NRXN3: variants seen among roughly 807,000 people sequenced by gnomAD.
The protein encoded by NRXN3 is neurexin III.
A neutral mutation model predicts 137.6 loss-of-function variants in NRXN3; 32 were observed. The observed-to-expected ratio is 0.23, with a 90% confidence interval of 0.18 to 0.31. The LOEUF is 0.31. Ranked by LOEUF, NRXN3 falls within the 10% of genes least tolerant of loss-of-function variation. The pLI is 1.00. For missense variants in NRXN3, 1,574 were observed against 2,062.5 expected (o/e 0.76, Z 4.59); for synonymous variants, 798 against 784.5 (o/e 1.02, Z -0.29).
chr14:78,642,315 A>G (rs980499845), intron 4 of NRXN3, among the ~76,000 whole-genome samples: 1 of 152,244 alleles, frequency 6.6e-6, no homozygotes, highest in Non-Finnish European at 1.5e-5. Context: ...AAATCAGGCC[A>G]TCTCTAAAAT....
intron 19 of NRXN3, among the ~76,000 whole-genome samples, chr14:79,721,313 G>T (rs564731760): frequency 6.6e-6 from 1 of 152,128 alleles, no homozygotes; most frequent in East Asian, 1.9e-4. Flanking sequence ...TATGCTTTAG[G>T]ATAGAAAAGG....
chr14:79,568,431 T>G (rs2097569485), intron 16 of NRXN3, among the ~76,000 whole-genome samples: 1 of 152,164 alleles, frequency 6.6e-6, no homozygotes, highest in African/African-American at 2.4e-5. Context: ...TGAATTCACC[T>G]CTCTAAGATT....
intron 4 of NRXN3, among the ~76,000 whole-genome samples, chr14:78,485,368 C>T (rs1414381934): frequency 6.6e-6 from 1 of 152,286 alleles, no homozygotes; most frequent in East Asian, 1.9e-4. Flanking sequence ...AAGTTATCTA[C>T]CTCCCCTCTC....
chr14:78,323,397 A>G (rs766225052), intron 4 of NRXN3, among the ~76,000 whole-genome samples: 2 of 152,028 alleles, frequency 1.3e-5, no homozygotes, highest in Non-Finnish European at 2.9e-5. Flanking sequence ...TTCTGACTGC[A>G]TAGCTTGGGT....
At chr14:79,320,929 A>G (rs1221067373) in intron 15 of NRXN3, among the ~76,000 whole-genome samples, 1 of 151,842 alleles carries the variant, frequency 6.6e-6, no homozygotes, top group East Asian at 1.9e-4. Context: ...TCCAATACCT[A>G]TCACAGTACT....
intron 10 of NRXN3, among the ~76,000 whole-genome samples, chr14:78,932,125 G>A (rs2152871493): frequency 6.6e-6 from 1 of 152,096 alleles, no homozygotes; most frequent in East Asian, 1.9e-4. Context: ...GGGAGACAGA[G>A]CAAGACTCCA....
intron 8 of NRXN3, among the ~76,000 whole-genome samples, chr14:78,798,238 G>C (rs1013284400): frequency 6.6e-6 from 1 of 152,108 alleles, no homozygotes; most frequent in Non-Finnish European, 1.5e-5. Flanking sequence ...ATATATTCAG[G>C]GTACAGGCAT....
At chr14:78,228,920 C>T (rs896985225) in intron 1 of NRXN3, among the ~76,000 whole-genome samples, 1 of 152,090 alleles carries the variant, frequency 6.6e-6, no homozygotes, top group Non-Finnish European at 1.5e-5. Context: ...CCCTCATGCT[C>T]AGATGTGTGA....
intron 10 of NRXN3, among the ~76,000 whole-genome samples, chr14:78,903,334 GT>G (rs1179156385): frequency 1.3e-5 from 2 of 151,636 alleles, no homozygotes; most frequent in Admixed American, 1.3e-4. Context: ...TAGAGATAGG[GT>G]TTCGCCACAT....
At chr14:79,541,891 A>G (rs2097276613) in intron 16 of NRXN3, among the ~76,000 whole-genome samples, 1 of 152,210 alleles carries the variant, frequency 6.6e-6, no homozygotes, top group Admixed American at 6.5e-5. Flanking sequence ...TTGGTTGGGT[A>G]ATATGAGGAA....
chr14:78,294,361 C>G (rs190305741), intron 3 of NRXN3, among the ~76,000 whole-genome samples: 109 of 152,208 alleles, frequency 7.2e-4, no homozygotes, highest in African/African-American at 2.5e-3. Flanking sequence ...TCGAGACCAG[C>G]CTGGCTAACA....
chr14:79,216,874 C>T (rs1282727967), intron 15 of NRXN3, among the ~76,000 whole-genome samples: 4 of 152,152 alleles, frequency 2.6e-5, no homozygotes, highest in South Asian at 2.1e-4. Context: ...CAGTGGCTCA[C>T]GCCTGTAATC....
intron 15 of NRXN3, chr14:79,200,093 G>A (rs2065754501): frequency 6.6e-6 from 1 of 152,166 alleles, no homozygotes; most frequent in African/African-American, 2.4e-5. Context: ...AGATATCAAT[G>A]AGACATATTT....
At chr14:79,423,784 GC>G (rs1417301737) in intron 15 of NRXN3, among the ~76,000 whole-genome samples, 1 of 152,198 alleles carries the variant, frequency 6.6e-6, no homozygotes, top group Non-Finnish European at 1.5e-5. Context: ...GCATGGACAG[GC>G]CAATACTAGA....
intron 15 of NRXN3, among the ~76,000 whole-genome samples, chr14:79,342,237 T>G (rs1316027419): frequency 6.6e-6 from 1 of 152,146 alleles, no homozygotes; most frequent in East Asian, 1.9e-4. Context: ...GAGGAAGCAG[T>G]TTGAGAGCAA....
At chr14:79,793,408 C>T (rs960066398) in intron 19 of NRXN3, among the ~76,000 whole-genome samples, 1 of 152,128 alleles carries the variant, frequency 6.6e-6, no homozygotes, top group South Asian at 2.1e-4. Flanking sequence ...GAGCGAGACT[C>T]CGTCTCAAAA....
intron 20 of NRXN3, among the ~76,000 whole-genome samples, chr14:79,830,841 CTT>C (rs2099321074): frequency 1.4e-5 from 2 of 139,818 alleles, no homozygotes; most frequent in South Asian, 2.5e-4. Flanking sequence ...ATTCAGGTGA[CTT>C]TGTGAACTTT....
At chr14:79,357,769 A>G (rs1213578706) in intron 15 of NRXN3, among the ~76,000 whole-genome samples, 1 of 152,180 alleles carries the variant, frequency 6.6e-6, no homozygotes, top group African/African-American at 2.4e-5. Flanking sequence ...TGGCCGTTTC[A>G]CCCCAATATG....
At chr14:79,261,683 T>A in intron 15 of NRXN3, among the ~76,000 whole-genome samples, 1 of 144,188 alleles carries the variant, frequency 6.9e-6, no homozygotes, top group Admixed American at 7.2e-5. Flanking sequence ...GCCTACAGAA[T>A]ACAGGGGGAT....
Sources: allele counts gnomAD v4.1 joint callset (sites outside exome capture counted in the v4.1 genomes callset), GRCh38; gene constraint gnomAD v4.1.1; transcripts MANE v1.5; gene names NCBI Gene and HGNC (gene_info 2026-07-23, HGNC 2026-07-21).